NHERF1: variants seen among roughly 807,000 people sequenced by gnomAD.
The protein encoded by NHERF1 is NHERF family PDZ scaffold protein 1, also known as Na(+)/H(+) exchange regulatory cofactor NHE-RF1.
the NHERF1 span, chr17:74,749,141 C>T: frequency 6.4e-7 from 1 of 1,560,274 alleles, no homozygotes; most frequent in Admixed American, 1.9e-5. The surrounding 1 kb of genome is among the most constrained non-coding windows in gnomAD (Gnocchi z 5.6). Context: ...GGACGAGCAG[C>T]TGCAGAAGCT....
At chr17:74,767,412 C>T in the NHERF1 span, among the ~76,000 whole-genome samples, 1 of 152,264 alleles carries the variant, frequency 6.6e-6, no homozygotes, top group South Asian at 2.1e-4. Context: ...GATGGTGGGG[C>T]TGGGCGCCAG....
At chr17:74,763,289 T>C in the NHERF1 span, 1 of 1,420,266 alleles carries the variant, frequency 7.0e-7, no homozygotes, top group Non-Finnish European at 9.7e-7. Context: ...TGGTCACCCC[T>C]GCCCCCAACC....
At chr17:74,765,768 T>A in the NHERF1 span, among the ~76,000 whole-genome samples, 3 of 151,996 alleles carry the variant, frequency 2.0e-5, no homozygotes, top group East Asian at 5.8e-4. Flanking sequence ...GCCAGGCTGG[T>A]CTTGAACTCC....
chr17:74,758,251 G>A, the NHERF1 span, among the ~76,000 whole-genome samples: 1 of 152,236 alleles, frequency 6.6e-6, no homozygotes, highest in Non-Finnish European at 1.5e-5. This position sits in a 1 kb window ranked among gnomAD's most constrained non-coding sequence, Gnocchi z 4.3. Context: ...GGACTGCGTG[G>A]GTGGAGGTGA....
chr17:74,767,065 C>A, the NHERF1 span: 1 of 1,255,484 alleles, frequency 8.0e-7, no homozygotes. Context: ...GGATAGCCAT[C>A]TGACTAAGGC....
chr17:74,759,573 C>A, the NHERF1 span, among the ~76,000 whole-genome samples: 1 of 152,230 alleles, frequency 6.6e-6, no homozygotes, highest in Non-Finnish European at 1.5e-5. Context: ...AGGCTTCATC[C>A]CCCAGCTCAG....
At chr17:74,764,981 A>C in the NHERF1 span, among the ~76,000 whole-genome samples, 1 of 152,192 alleles carries the variant, frequency 6.6e-6, no homozygotes, top group Non-Finnish European at 1.5e-5. The surrounding 1 kb of genome is among the most constrained non-coding windows in gnomAD (Gnocchi z 4.9). Flanking sequence ...GACTGGGGAC[A>C]GGGAAAAGAT....
At chr17:74,767,456 G>C in the NHERF1 span, among the ~76,000 whole-genome samples, 1 of 152,212 alleles carries the variant, frequency 6.6e-6, no homozygotes, top group Non-Finnish European at 1.5e-5. Context: ...AAGGGGCTGG[G>C]TGCCAAGCTG....
the NHERF1 span, among the ~76,000 whole-genome samples, chr17:74,760,830 A>T: frequency 6.6e-6 from 1 of 152,224 alleles, no homozygotes; most frequent in African/African-American, 2.4e-5. The surrounding 1 kb of genome is among the most constrained non-coding windows in gnomAD (Gnocchi z 4.5). Context: ...AGAATGATCC[A>T]TAAATGACCT....
the NHERF1 span, chr17:74,768,579 GC>G: frequency 8.7e-6 from 14 of 1,613,998 alleles, no homozygotes; most frequent in African/African-American, 1.3e-5. Context: ...CAAAGAGAGG[GC>G]CCACCAGAAA....
the NHERF1 span, among the ~76,000 whole-genome samples, chr17:74,761,753 T>G: frequency 6.6e-6 from 1 of 152,208 alleles, no homozygotes; most frequent in Non-Finnish European, 1.5e-5. This position sits in a 1 kb window ranked among gnomAD's most constrained non-coding sequence, Gnocchi z 4.3. Context: ...CTACCCCTCA[T>G]TTGGCAGAAG....
the NHERF1 span, chr17:74,749,260 C>T: frequency 6.5e-7 from 1 of 1,529,260 alleles, no homozygotes; most frequent in South Asian, 1.2e-5. The surrounding 1 kb of genome is among the most constrained non-coding windows in gnomAD (Gnocchi z 5.6). Flanking sequence ...ATGAGCCTCG[C>T]GAGGCCGACA....
chr17:74,768,424 T>G, the NHERF1 span: 3 of 1,601,386 alleles, frequency 1.9e-6, no homozygotes. Context: ...GGGAGCCTAA[T>G]GAGGGACTGA....
the NHERF1 span, chr17:74,763,108 C>T: frequency 2.4e-6 from 1 of 422,394 alleles, no homozygotes; most frequent in Non-Finnish European, 4.3e-6. Flanking sequence ...CCCATCTCTC[C>T]CAGCTGTGTT....
the NHERF1 span, chr17:74,763,557 G>A: frequency 3.7e-5 from 57 of 1,555,700 alleles, no homozygotes; most frequent in African/African-American, 5.4e-5. Flanking sequence ...CCTGGGGCTG[G>A]AGCCCCCCAA....
the NHERF1 span, among the ~76,000 whole-genome samples, chr17:74,754,681 A>G: frequency 6.6e-6 from 1 of 151,900 alleles, no homozygotes. Context: ...GTTTCACCAC[A>G]TTGGCCAGGC....
At chr17:74,751,195 A>C in the NHERF1 span, among the ~76,000 whole-genome samples, 1 of 152,200 alleles carries the variant, frequency 6.6e-6, no homozygotes, top group South Asian at 2.1e-4. This position sits in a 1 kb window ranked among gnomAD's most constrained non-coding sequence, Gnocchi z 4.3. Context: ...TTTGAATCCC[A>C]GCTCCTCTAA....
At chr17:74,762,190 TCTTC>T in the NHERF1 span, 1 of 1,613,418 alleles carries the variant, frequency 6.2e-7, no homozygotes, top group Non-Finnish European at 8.5e-7. This position sits in a 1 kb window ranked among gnomAD's most constrained non-coding sequence, Gnocchi z 4.2. Context: ...CTTCTCGCTC[TCTTC>T]CTATCTGACT....
the NHERF1 span, among the ~76,000 whole-genome samples, chr17:74,763,688 G>T: frequency 6.6e-6 from 1 of 152,220 alleles, no homozygotes; most frequent in African/African-American, 2.4e-5. Context: ...CTGGGGGAGC[G>T]GGGGCCTAGT....
Sources: gnomAD v4.1 joint callset for allele counts (sites outside exome capture counted in the v4.1 genomes callset) on GRCh38, gnomAD v4.1.1 for gene constraint, Gnocchi (gnomAD v3.1) non-coding constraint, MANE v1.5 for transcripts, NCBI Gene and HGNC (gene_info 2026-07-23, HGNC 2026-07-21) for gene names.